Variants in NAA60 observed in about 807,000 individuals in gnomAD.
The protein encoded by NAA60 is N-alpha-acetyltransferase 60, NatF catalytic subunit, also known as N-alpha-acetyltransferase 60.
In NAA60, 8 loss-of-function variants were observed where a neutral mutation model predicts 26.1. That is an observed-to-expected ratio of 0.31 (90% confidence interval 0.18 to 0.55). The LOEUF is 0.55. Among genes scored for constraint, NAA60 ranks in the 20% least tolerant of loss-of-function variants. NAA60 has a pLI of 0.93. For missense variants in NAA60, 290 were observed against 311.3 expected (o/e 0.93, Z 0.51); for synonymous variants, 131 against 122.5 (o/e 1.07, Z -0.46).
intron 2 of NAA60, among the ~76,000 whole-genome samples, chr16:3,454,859 T>C (rs1005852565): frequency 1.3e-5 from 2 of 152,202 alleles, no homozygotes; most frequent in Admixed American, 6.5e-5. Flanking sequence ...GGGTAGAGTC[T>C]GTGCCACAAA....
intron 2 of NAA60, among the ~76,000 whole-genome samples, chr16:3,465,308 G>A (rs900309033): frequency 2.0e-5 from 3 of 151,534 alleles, no homozygotes; most frequent in Admixed American, 6.6e-5. Context: ...AAACTCATCC[G>A]AAGCAAGAGA....
At chr16:3,467,653 C>A (rs541337778) in intron 2 of NAA60, 6 of 152,176 alleles carry the variant, frequency 3.9e-5, no homozygotes, top group African/African-American at 1.4e-4. Flanking sequence ...GTAACTGAAA[C>A]GCAGTCCATT....
At chr16:3,478,122 G>T (rs904378239) in intron 3 of NAA60, among the ~76,000 whole-genome samples, 5 of 151,548 alleles carry the variant, frequency 3.3e-5, no homozygotes, top group Non-Finnish European at 5.9e-5. Context: ...TGTAACCCCA[G>T]CTACTCGGGA....
chr16:3,482,658 C>G (rs1339793151), intron 5 of NAA60, 60 bp downstream of exon 5: 14 of 1,235,168 alleles, frequency 1.1e-5, no homozygotes, highest in Middle Eastern at 2.6e-4. Context: ...TACCCCACCC[C>G]CATCCCATCT....
chr16:3,457,483 C>T (rs935296528), intron 2 of NAA60, among the ~76,000 whole-genome samples: 7 of 152,194 alleles, frequency 4.6e-5, no homozygotes, highest in Non-Finnish European at 8.8e-5. Context: ...ATTATAGAAC[C>T]CCTACAACCG....
At chr16:3,465,607 G>A (rs1398610581) in intron 2 of NAA60, among the ~76,000 whole-genome samples, 11 of 152,170 alleles carry the variant, frequency 7.2e-5, no homozygotes, top group African/African-American at 2.7e-4. Context: ...GGGACCCTGC[G>A]TGTCTTGGGT....
intron 4 of NAA60, among the ~76,000 whole-genome samples, chr16:3,481,687 C>A (rs1462546720): frequency 6.6e-6 from 1 of 152,176 alleles, no homozygotes; most frequent in Admixed American, 6.5e-5. Flanking sequence ...GCAAAGTAGA[C>A]CCTGTTAAGA....
intron 2 of NAA60, chr16:3,458,007 C>G (rs2035090567): frequency 2.0e-6 from 2 of 985,244 alleles, no homozygotes; most frequent in Admixed American, 1.2e-4. Context: ...GGCTGCGCTG[C>G]CGGCAGGGAG....
intron 2 of NAA60, among the ~76,000 whole-genome samples, chr16:3,471,718 G>GT (rs2036159597): frequency 6.6e-6 from 1 of 152,088 alleles, no homozygotes; most frequent in Admixed American, 6.6e-5. Context: ...AGCTGAGCCG[G>GT]TGGTGTTTTT....
At chr16:3,468,611 T>TG (rs1398141414) in intron 2 of NAA60, among the ~76,000 whole-genome samples, 1 of 152,194 alleles carries the variant, frequency 6.6e-6, no homozygotes, top group Non-Finnish European at 1.5e-5. Flanking sequence ...AAGGTGTGAG[T>TG]GCCGAGGCGC....
chr16:3,476,981 C>T (rs1030989547), intron 3 of NAA60, among the ~76,000 whole-genome samples: 5 of 151,730 alleles, frequency 3.3e-5, no homozygotes, highest in African/African-American at 1.2e-4. Flanking sequence ...GTGGAGGTTG[C>T]GGTGAGCCGA....
chr16:3,444,037 C>A, intron 1 of NAA60, 200 bp downstream of exon 1: 1 of 1,068,852 alleles, frequency 9.4e-7, no homozygotes, highest in Non-Finnish European at 1.2e-6. Context: ...GGTTGCTGGA[C>A]TCTGACTCAA....
rs144080933 is a variant in NAA60, at chr16:3,475,369, C to T, written c.-6-853C>T. 9.8e-3 allele frequency among the ~76,000 whole-genome samples: 1,485 copies of T among 152,280 alleles called. 15 individuals carry two copies. Among genetic ancestry groups the T allele is most frequent in the Non-Finnish European group, 0.015 (1,007 of 68,028 alleles). On this transcript the variant is annotated intron_variant, in intron 2 of 7. Coordinates refer to ENST00000407558, the MANE Select transcript of NAA60 (RefSeq NM_001083601.3). ...CCTCGCAAAGTGCTGGGATTACAGG[C>T]GTGAGCCATCACACCAGGCCCCATC...
At chr16:3,449,132 A>G (rs1187905698) in intron 2 of NAA60, among the ~76,000 whole-genome samples, 4 of 152,070 alleles carry the variant, frequency 2.6e-5, no homozygotes, top group African/African-American at 9.7e-5. Context: ...CCAGCACTTT[A>G]GGAGGTGAGG....
At chr16:3,448,826 G>A (rs2034656360) in intron 2 of NAA60, 1 of 285,220 alleles carries the variant, frequency 3.5e-6, no homozygotes, top group African/African-American at 2.2e-5. Flanking sequence ...TCTCTTGTGA[G>A]TCTGATGGGT....
At chr16:3,451,269 T>A (rs1278073512) in intron 2 of NAA60, among the ~76,000 whole-genome samples, 1 of 152,242 alleles carries the variant, frequency 6.6e-6, no homozygotes, top group Non-Finnish European at 1.5e-5. Context: ...GAAAATATAG[T>A]ACTTGTCCAT....
intron 2 of NAA60, among the ~76,000 whole-genome samples, chr16:3,464,809 C>T (rs1011473176): frequency 6.6e-6 from 1 of 152,146 alleles, no homozygotes; most frequent in Non-Finnish European, 1.5e-5. Context: ...ACCTATCAGG[C>T]GGTTGCCTGC....
chr16:3,462,103 A>AAAC (rs1160260067), intron 2 of NAA60, among the ~76,000 whole-genome samples: 1 of 151,730 alleles, frequency 6.6e-6, no homozygotes, highest in Non-Finnish European at 1.5e-5. Context: ...AAAAAAAAAA[A>AAAC]AACCTTTCAG....
intron 2 of NAA60, among the ~76,000 whole-genome samples, chr16:3,458,560 A>T (rs918441749): frequency 6.6e-6 from 1 of 152,170 alleles, no homozygotes; most frequent in Non-Finnish European, 1.5e-5. Flanking sequence ...GTGAAGGGCC[A>T]GGCCATTTCC....
Sources: allele counts gnomAD v4.1 joint callset (sites outside exome capture counted in the v4.1 genomes callset), GRCh38; gene constraint gnomAD v4.1.1; transcripts MANE v1.5; gene names NCBI Gene and HGNC (gene_info 2026-07-23, HGNC 2026-07-21).